The following OVCH1 variants were observed in gnomAD, a reference collection of about 807,000 sequenced individuals.
The protein encoded by OVCH1 is ovochymase 1.
Under a neutral mutation model 138.4 loss-of-function variants are expected in OVCH1, and 139 were observed. The observed-to-expected ratio is 1.00, with a 90% CI of 0.87 to 1.16. OVCH1 has a LOEUF of 1.16. Ranked by LOEUF, OVCH1 falls within the 50% of genes most tolerant of loss-of-function variation. The pLI is 0.00. For missense variants in OVCH1, 1,367 were observed against 1,357.9 expected (o/e 1.01, Z -0.11); for synonymous variants, 453 against 467.8 (o/e 0.97, Z 0.41).
Position 29,478,832 on chromosome 12 carries a change from T to A in OVCH1, c.1069+3A>T, listed in dbSNP as rs190664130. ...CAAATAAAAACAAATGTAACATACTTACTAAAAAGCACTCCACTGCTTGAT... is the reference window on the plus strand; with the variant it reads ...CAAATAAAAACAAATGTAACATACTAACTAAAAAGCACTCCACTGCTTGAT... On this transcript the variant is annotated splice_donor_region_variant and intron_variant, in intron 9 of 27. Coordinates refer to ENST00000318184, the Ensembl canonical transcript of OVCH1. The A allele has an allele frequency of 6.4e-7, 1 of 1,567,174 alleles. No individual in the cohort carries two copies. The highest frequency in any genetic ancestry group is 8.6e-7 in the Non-Finnish European group (1 of 1,156,502).
chr12:29,440,777 T>TA (rs1941463787), intron 25 of OVCH1, 33 bp from the exon 26 acceptor site: 1 of 455,618 alleles, frequency 2.2e-6, no homozygotes, highest in South Asian at 1.6e-5. Flanking sequence ...TTAATGCACT[T>TA]ACTTCTAGGA....
chr12:29,489,153 A>G (rs573316614), intron 6 of OVCH1, among the ~76,000 whole-genome samples: 1 of 152,338 alleles, frequency 6.6e-6, no homozygotes, highest in South Asian at 2.1e-4. Context: ...TTCATTGTGA[A>G]GTTGTGTCAG....
chr12:29,451,489 G>C lies in OVCH1; in HGVS notation c.2611C>G (p.Leu871Val), dbSNP rs753725091. 3.1e-6 allele frequency: 5 copies of C among 1,613,330 alleles called. No individual in the cohort carries two copies. Among genetic ancestry groups the C allele is most frequent in the Non-Finnish European group, 4.2e-6 (5 of 1,179,578 alleles). ...ACTCTGAGCACCCAAGAACATTCCA[G>C]TCTTCCTCTATAATCCAGTAGATAC... The change falls in exon 22 of 28, where the codon CTG becomes GTG. Residue 871 changes from leucine (L) to valine (V), a missense_variant. By Grantham distance (32) the Leu-to-Val change is conservative. Coordinates refer to ENST00000318184, the Ensembl canonical transcript of OVCH1.
downstream of OVCH1, among the ~76,000 whole-genome samples, chr12:29,409,963 C>A (rs1940932517): frequency 6.6e-6 from 1 of 152,088 alleles, no homozygotes; most frequent in South Asian, 2.1e-4. Context: ...GTAGGTCACT[C>A]AGGACTTGCT....
At chr12:29,407,176 G>C in the OVCH1 span, among the ~76,000 whole-genome samples, 1 of 148,998 alleles carries the variant, frequency 6.7e-6, no homozygotes, top group African/African-American at 2.4e-5. Flanking sequence ...TTGTAAATTT[G>C]TTTGAGTTCA....
At chr12:29,428,742 A>C (rs1436316775) in intron 27 of OVCH1, among the ~76,000 whole-genome samples, 2 of 152,224 alleles carry the variant, frequency 1.3e-5, no homozygotes, top group Admixed American at 6.5e-5. Flanking sequence ...CTGGAAAAAG[A>C]AAGCATCAAA....
exon 6 of OVCH1, chr12:29,489,717 C>A: frequency 6.2e-7 from 1 of 1,610,798 alleles, no homozygotes; most frequent in Non-Finnish European, 8.5e-7. Context: ...ATTACACGCT[C>A]TGTCATCCAT....
Position 29,477,338 on chromosome 12 carries a change from C to CACCTGCTTCT in OVCH1, c.1239_1246+2dup. ...CAAGGAATTAAATACCTGAAACACTCACCTGCTTCTGACTTCTGTACAGCA... is the reference window on the plus strand; with the variant it reads ...CAAGGAATTAAATACCTGAAACACTCACCTGCTTCTACCTGCTTCTGACTTCTGTACAGCA... On this transcript the variant is annotated splice_region_variant and intron_variant, in intron 11 of 27. Transcript: ENST00000318184. 1 of 1,613,956 alleles carries CACCTGCTTCT rather than the reference C, an allele frequency of 6.2e-7. No homozygotes were observed. Among genetic ancestry groups the CACCTGCTTCT allele is most frequent in the South Asian group, 1.1e-5 (1 of 91,070 alleles).
chr12:29,418,895 A>G (rs973721670), intron 3 of OVCH1, among the ~76,000 whole-genome samples: 5 of 152,174 alleles, frequency 3.3e-5, no homozygotes, highest in African/African-American at 4.8e-5. Flanking sequence ...GTATTGCACT[A>G]TCACCAATCT....
chr12:29,407,162 T>A, the OVCH1 span, among the ~76,000 whole-genome samples: 2 of 150,998 alleles, frequency 1.3e-5, no homozygotes, highest in African/African-American at 4.8e-5. Context: ...TGTTTGTTTT[T>A]TTCTTGTAAA....
chr12:29,463,261 TGATG>T (rs1942198937), intron 18 of OVCH1, among the ~76,000 whole-genome samples: 1 of 152,158 alleles, frequency 6.6e-6, no homozygotes, highest in African/African-American at 2.4e-5. Context: ...GTGCGGAATG[TGATG>T]GGAGGCCCGT....
At chr12:29,440,816 G>C in intron 25 of OVCH1, 72 bp from the exon 26 acceptor site, 1 of 445,834 alleles carries the variant, frequency 2.2e-6, no homozygotes, top group Non-Finnish European at 4.5e-6. Context: ...GAATAAAAAA[G>C]ACAGCAGTTT....
chr12:29,489,661 G>A, exon 6 of OVCH1: 1 of 1,609,098 alleles, frequency 6.2e-7, no homozygotes, highest in Non-Finnish European at 8.5e-7. Context: ...CCAGCACACA[G>A]CATGGTCCTT....
At chr12:29,465,311 G>C in intron 16 of OVCH1, 92 bp from the exon 17 acceptor site, 1 of 1,069,350 alleles carries the variant, frequency 9.4e-7, no homozygotes, top group Non-Finnish European at 1.3e-6. Flanking sequence ...AGACTATAAA[G>C]TCTTTCTGAA....
chr12:29,495,283 A>G lies in OVCH1; in HGVS notation c.454+2T>C. 1.2e-6 allele frequency: 2 copies of G among 1,608,204 alleles called. No homozygotes were observed. Among genetic ancestry groups the G allele is most frequent in the Non-Finnish European group, 1.7e-6 (2 of 1,177,390 alleles). On this transcript the variant is annotated splice_donor_variant, in intron 4 of 27. Transcript: ENST00000318184. LOFTEE classifies it high-confidence loss of function. ...TTTAATATTCTAACTCTCCATACTCACCAAACTTGACTTTGTGTTTTAGAT... is the reference window on the plus strand; with the variant it reads ...TTTAATATTCTAACTCTCCATACTCGCCAAACTTGACTTTGTGTTTTAGAT...
chr12:29,456,048 T>C (rs1020907635), intron 19 of OVCH1, among the ~76,000 whole-genome samples: 5 of 152,204 alleles, frequency 3.3e-5, no homozygotes, highest in Admixed American at 6.5e-5. Flanking sequence ...AATTCTAGTA[T>C]TCCAATTTTA....
chr12:29,446,911 T>C (rs1281280416), intron 22 of OVCH1, among the ~76,000 whole-genome samples: 1 of 151,948 alleles, frequency 6.6e-6, no homozygotes, highest in Non-Finnish European at 1.5e-5. Flanking sequence ...CAAAGACATG[T>C]ACGGATACAT....
chr12:29,486,672 G>C (rs1943117078), intron 7 of OVCH1, among the ~76,000 whole-genome samples: 1 of 152,068 alleles, frequency 6.6e-6, no homozygotes, highest in Non-Finnish European at 1.5e-5. Context: ...AAAGAGATAG[G>C]GGAAGATGAA....
At chr12:29,494,815 G>T (rs1460227188) in intron 4 of OVCH1, among the ~76,000 whole-genome samples, 1 of 152,164 alleles carries the variant, frequency 6.6e-6, no homozygotes, top group Non-Finnish European at 1.5e-5. Context: ...GCAGGAAAGG[G>T]TAGGGAGGAG....
Sources: allele counts gnomAD v4.1 joint callset (sites outside exome capture counted in the v4.1 genomes callset), GRCh38; gene constraint gnomAD v4.1.1; transcripts MANE v1.5; gene names NCBI Gene and HGNC (gene_info 2026-07-23, HGNC 2026-07-21).